Variants in THSD4 observed in about 807,000 individuals in gnomAD.
The protein encoded by THSD4 is thrombospondin type-1 domain-containing protein 4.
Under a neutral mutation model 119.0 loss-of-function variants are expected in THSD4, and 69 were observed. The observed-to-expected ratio is 0.58, with a 90% CI of 0.48 to 0.71. The LOEUF (loss-of-function observed/expected upper bound fraction) is 0.71. THSD4 is among the 30% of genes least tolerant of loss of function. The pLI, the probability that THSD4 is intolerant of heterozygous loss-of-function variation, is 0.00. For synonymous variants in THSD4, 524 were observed against 540.4 expected, an observed-to-expected ratio of 0.97 and a Z score of 0.42; for missense variants, 1,393 against 1,391.1, an observed-to-expected ratio of 1.00 and a Z score of -0.02.
At chr15:71,224,969 A>G (rs1171369808) in intron 4 of THSD4, among the ~76,000 whole-genome samples, 2 of 152,168 alleles carry the variant, frequency 1.3e-5, no homozygotes, top group Non-Finnish European at 2.9e-5. Flanking sequence ...GGATGTGGAC[A>G]TCTTTGGAAG....
intron 7 of THSD4, among the ~76,000 whole-genome samples, chr15:71,485,837 T>C (rs2047807528): frequency 6.6e-6 from 1 of 152,232 alleles, no homozygotes; most frequent in African/African-American, 2.4e-5. Context: ...CTTTTTGTGG[T>C]CATACTTAGT....
At chr15:71,467,298 A>G (rs2047514426) in intron 7 of THSD4, among the ~76,000 whole-genome samples, 1 of 152,240 alleles carries the variant, frequency 6.6e-6, no homozygotes, top group South Asian at 2.1e-4. Context: ...ATAACAAAAG[A>G]CAGATTGACA....
chr15:71,218,991 C>G (rs2043955383), intron 4 of THSD4, among the ~76,000 whole-genome samples: 1 of 152,134 alleles, frequency 6.6e-6, no homozygotes, highest in Non-Finnish European at 1.5e-5. Context: ...TACTGACAGG[C>G]TAGAGCAGTT....
chr15:71,454,762 T>C (rs2047314294), intron 7 of THSD4, among the ~76,000 whole-genome samples: 1 of 152,206 alleles, frequency 6.6e-6, no homozygotes, highest in Admixed American at 6.5e-5. Flanking sequence ...CCCTTTGCAA[T>C]CTCAGCTCTC....
At chr15:71,473,957 C>G (rs1317775965) in intron 7 of THSD4, among the ~76,000 whole-genome samples, 3 of 152,144 alleles carry the variant, frequency 2.0e-5, no homozygotes, top group Non-Finnish European at 4.4e-5. Flanking sequence ...CAAAGCATCC[C>G]GGGATCTCAC....
At chr15:71,444,574 G>A (rs757985229) in intron 7 of THSD4, among the ~76,000 whole-genome samples, 5 of 152,186 alleles carry the variant, frequency 3.3e-5, no homozygotes, top group Non-Finnish European at 4.4e-5. Flanking sequence ...AGCACCTCAC[G>A]CTGCACGTGA....
intron 7 of THSD4, among the ~76,000 whole-genome samples, chr15:71,523,209 C>T (rs1250089334): frequency 6.6e-6 from 1 of 152,208 alleles, no homozygotes; most frequent in East Asian, 1.9e-4. Context: ...AACCTGAAAT[C>T]AAGAATCAAG....
chr15:71,131,050 T>A (rs375986313), intron 1 of THSD4, among the ~76,000 whole-genome samples: 1 of 152,208 alleles, frequency 6.6e-6, no homozygotes, highest in East Asian at 1.9e-4. Context: ...GGCCAATAAA[T>A]GTTAACTTTT....
intron 6 of THSD4, among the ~76,000 whole-genome samples, chr15:71,389,991 G>A (rs964294396): frequency 2.6e-5 from 4 of 151,720 alleles, no homozygotes; most frequent in African/African-American, 9.7e-5. Flanking sequence ...TTTTATTAGA[G>A]ACAGCATTTC....
Position 71,748,455 on chromosome 15 carries a change from G to T in THSD4, c.2276G>T (p.Arg759Leu). ...CCCTGCGGCGTGGGACAGAGGACCCGTGATGTGAAGTGTGTGAGCAACATT... is the reference window on the plus strand; with the variant it reads ...CCCTGCGGCGTGGGACAGAGGACCCTTGATGTGAAGTGTGTGAGCAACATT... The part of the protein sequence containing the change: ...SVPCGVGQRT[R>L]DVKCVSNIGD... Residue 759 changes from arginine (R) to leucine (L), a missense_variant, in exon 14 of 18, where the codon CGT becomes CTT. By Grantham distance (102) the Arg-to-Leu change is moderately radical (BLOSUM62 -2). Transcript: ENST00000261862. 2 of 1,614,196 alleles carry T rather than the reference G, an allele frequency of 1.2e-6. No homozygotes were observed. The highest frequency in any genetic ancestry group is 4.5e-5 in the East Asian group (2 of 44,880).
chr15:71,222,699 G>A (rs928924297), intron 4 of THSD4, among the ~76,000 whole-genome samples: 5 of 152,180 alleles, frequency 3.3e-5, no homozygotes, highest in African/African-American at 9.7e-5. Context: ...CTGATTTCCT[G>A]TTGGGAAGGA....
intron 3 of THSD4, among the ~76,000 whole-genome samples, chr15:71,190,768 T>A (rs2043664191): frequency 6.6e-6 from 1 of 152,016 alleles, no homozygotes; most frequent in Non-Finnish European, 1.5e-5. Context: ...AAAAAATTCG[T>A]CTCTAACAGC....
At chr15:71,207,428 C>T (rs531045879) in intron 3 of THSD4, among the ~76,000 whole-genome samples, 54 of 152,258 alleles carry the variant, frequency 3.5e-4, no homozygotes, top group Non-Finnish European at 7.1e-4. Context: ...TTGCTCGTTC[C>T]AGGAGCTGCT....
chr15:71,455,611 G>T (rs1323707286), intron 7 of THSD4, among the ~76,000 whole-genome samples: 1 of 152,172 alleles, frequency 6.6e-6, no homozygotes, highest in East Asian at 1.9e-4. Flanking sequence ...GAGTTGGGCT[G>T]TAATAAAATG....
chr15:71,564,922 A>G (rs1325770847), intron 7 of THSD4, among the ~76,000 whole-genome samples: 2 of 151,838 alleles, frequency 1.3e-5, no homozygotes, highest in Admixed American at 1.3e-4. Context: ...ATCCAGGACA[A>G]AAAGGTTAAA....
At chr15:71,629,966 C>G (rs1056901257) in intron 7 of THSD4, among the ~76,000 whole-genome samples, 2 of 152,156 alleles carry the variant, frequency 1.3e-5, no homozygotes, top group Non-Finnish European at 2.9e-5. Context: ...CTTGTGTGCT[C>G]AGAGAGGGGC....
chr15:71,360,435 G>A (rs1044503516), intron 6 of THSD4, among the ~76,000 whole-genome samples: 2 of 152,172 alleles, frequency 1.3e-5, no homozygotes, highest in Admixed American at 6.5e-5. Context: ...ATGAGAAGCA[G>A]CGTATGCATA....
intron 8 of THSD4, among the ~76,000 whole-genome samples, chr15:71,706,489 G>T (rs1258646980): frequency 6.6e-6 from 1 of 152,192 alleles, no homozygotes; most frequent in East Asian, 1.9e-4. Flanking sequence ...ATTGTGGATA[G>T]TTGGGATTGT....
chr15:71,588,952 T>G (rs2049744121), intron 7 of THSD4, among the ~76,000 whole-genome samples: 1 of 152,130 alleles, frequency 6.6e-6, no homozygotes. Flanking sequence ...GACAATTTGG[T>G]CAGGGAGGTG....
Sources: allele counts gnomAD v4.1 joint callset (sites outside exome capture counted in the v4.1 genomes callset), GRCh38; gene constraint gnomAD v4.1.1; transcripts MANE v1.5; gene names NCBI Gene and HGNC (gene_info 2026-07-23, HGNC 2026-07-21).